The following KIAA0586 variants were observed in gnomAD, a reference collection of about 807,000 sequenced individuals.
The protein encoded by KIAA0586 is KIAA0586, also known as protein TALPID3.
A neutral mutation model predicts 169.8 loss-of-function variants in KIAA0586; 144 were observed. That is an observed-to-expected ratio of 0.85 (90% CI 0.74 to 0.97). KIAA0586 has a LOEUF of 0.97. Among genes scored for constraint, KIAA0586 ranks in the 50% least tolerant of loss-of-function variants. The probability of loss-of-function intolerance (pLI) is 0.00; values close to 1 mark genes in which losing one functional copy is unlikely to be tolerated. For missense variants in KIAA0586, 1,854 were observed against 1,823.0 expected (o/e 1.02, Z -0.31); for synonymous variants, 625 against 612.4 (o/e 1.02, Z -0.30).
chr14:58,483,521 G>GAC (rs2141129701), intron 21 of KIAA0586, among the ~76,000 whole-genome samples: 1 of 151,856 alleles, frequency 6.6e-6, no homozygotes, highest in South Asian at 2.1e-4. Context: ...AGAATATAGA[G>GAC]ACCATATTTA....
At position 58,427,982 on chromosome 14, in the gene KIAA0586, A is replaced by G; in HGVS notation, c.-283A>G. On this transcript the variant is annotated 5_prime_UTR_variant, in exon 1 of 31. Coordinates refer to ENST00000652326, the MANE Select transcript of KIAA0586 (RefSeq NM_001329943.3). ...TACCAGCTCTGGGGTTGGGGAGTGC[A>G]CTGTTATGGTTATTGTTGCTCCTGT... 4 of 1,419,624 alleles carry G rather than the reference A, an allele frequency of 2.8e-6. No homozygotes were observed. Among genetic ancestry groups the G allele is most frequent in the Non-Finnish European group, 3.7e-6 (4 of 1,092,634 alleles). The allele number at this position is 1,419,624 out of a possible 1,614,324, so 87.9% of individuals were successfully genotyped here.
At chr14:58,455,281 G>A (rs2039728085) in intron 9 of KIAA0586, among the ~76,000 whole-genome samples, 1 of 152,110 alleles carries the variant, frequency 6.6e-6, no homozygotes, top group African/African-American at 2.4e-5. Context: ...TTTAGTAATA[G>A]CTGATTTATA....
intron 30 of KIAA0586, among the ~76,000 whole-genome samples, chr14:58,541,053 A>C (rs1172385764): frequency 2.0e-5 from 3 of 152,220 alleles, no homozygotes; most frequent in Non-Finnish European, 4.4e-5. Flanking sequence ...ACACAGCTGA[A>C]ATACTGTAAC....
the KIAA0586 span, among the ~76,000 whole-genome samples, chr14:58,558,643 G>A: frequency 1.8e-4 from 28 of 152,300 alleles, no homozygotes; most frequent in Admixed American, 3.3e-4. Flanking sequence ...ATAAAGCTGC[G>A]TGTTTACACA....
downstream of KIAA0586, among the ~76,000 whole-genome samples, chr14:58,553,536 G>GTT (rs111508643): frequency 0.11 from 16,540 of 144,298 alleles, 1,359 homozygotes; most frequent in African/African-American, 0.23. Flanking sequence ...AAATATCTGG[G>GTT]TTTTTTTTTT....
intron 18 of KIAA0586, among the ~76,000 whole-genome samples, chr14:58,473,128 C>T (rs1223954107): frequency 6.6e-6 from 1 of 151,380 alleles, no homozygotes; most frequent in Non-Finnish European, 1.5e-5. Context: ...ATTAGCTCTG[C>T]CATTTATAAG....
intron 29 of KIAA0586, chr14:58,521,855 T>C: frequency 9.7e-7 from 1 of 1,032,944 alleles, no homozygotes; most frequent in South Asian, 1.3e-5. Flanking sequence ...CAGATGACTT[T>C]GCTGAGGAGG....
chr14:58,498,708 G>A, intron 26 of KIAA0586, 75 bp from the exon 27 acceptor site: 1 of 1,306,890 alleles, frequency 7.7e-7, no homozygotes, highest in Non-Finnish European at 1.0e-6. Context: ...TATTGTTCAT[G>A]ATATTTGGCA....
chr14:58,454,370 A>G (rs943885809), intron 9 of KIAA0586, among the ~76,000 whole-genome samples: 6 of 152,202 alleles, frequency 3.9e-5, no homozygotes, highest in Non-Finnish European at 2.9e-5. Context: ...TATACATTAT[A>G]AGCTCATCTA....
chr14:58,464,321 G>GTA (rs4034996), intron 14 of KIAA0586, among the ~76,000 whole-genome samples: 5 of 152,186 alleles, frequency 3.3e-5, no homozygotes, highest in African/African-American at 7.2e-5. Context: ...AGTTTATAAA[G>GTA]GTTTATCCCC....
Position 58,479,915 on chromosome 14 carries a change from G to A in KIAA0586, c.2945-2598G>A, listed in dbSNP as rs570974300. 2.6e-5 allele frequency among the ~76,000 whole-genome samples: 4 copies of A among 152,166 alleles called. No individual in the cohort carries two copies. In the South Asian group the frequency reaches 8.3e-4, roughly 32 times the overall value. Reference sequence around the variant, plus strand: ...AAGTTATACTAATACCATACTTCTTGATTACTGTAATTTAATAGTAACACT... The same window carrying A: ...AAGTTATACTAATACCATACTTCTTAATTACTGTAATTTAATAGTAACACT... On this transcript the variant is annotated intron_variant, in intron 20 of 30. Coordinates refer to ENST00000652326, the MANE Select transcript of KIAA0586 (RefSeq NM_001329943.3).
intron 3 of KIAA0586, among the ~76,000 whole-genome samples, chr14:58,432,056 T>C (rs2037418793): frequency 6.6e-6 from 1 of 152,160 alleles, no homozygotes; most frequent in Non-Finnish European, 1.5e-5. Context: ...TTGGATGCCT[T>C]TTCTTTCTTT....
At chr14:58,447,397 T>G (rs2038982754) in intron 6 of KIAA0586, among the ~76,000 whole-genome samples, 1 of 152,020 alleles carries the variant, frequency 6.6e-6, no homozygotes, top group Non-Finnish European at 1.5e-5. Context: ...AAAACCCTCT[T>G]TTTTGAAACC....
the KIAA0586 span, among the ~76,000 whole-genome samples, chr14:58,557,850 G>T: frequency 1.3e-5 from 2 of 148,822 alleles, no homozygotes; most frequent in African/African-American, 5.0e-5. Context: ...CCCATGTGAG[G>T]GGTCTGTAAT....
Position 58,465,825 on chromosome 14 carries a change from A to G in KIAA0586, c.2060-10A>G. The G allele has an allele frequency of 6.5e-7, 1 of 1,531,558 alleles. No individual in the cohort carries two copies. The highest frequency in any genetic ancestry group is 1.2e-5 in the South Asian group (1 of 83,186). The allele number at this position is 1,531,558 out of a possible 1,614,324, so 94.9% of individuals were successfully genotyped here. On this transcript the variant is annotated splice_polypyrimidine_tract_variant and intron_variant, in intron 14 of 30. Transcript: ENST00000652326. The stretch of plus-strand genomic sequence containing the variant: ...TATTTTAAAATATCTGCCATTGGTG[A>G]TTATTATAGGCACTAAGGTAAAGTC...
At chr14:58,462,717 T>TA (rs1463848171) in intron 14 of KIAA0586, among the ~76,000 whole-genome samples, 1 of 152,174 alleles carries the variant, frequency 6.6e-6, no homozygotes, top group Non-Finnish European at 1.5e-5. Flanking sequence ...CACACTGCTA[T>TA]AAAAAACTAC....
intron 30 of KIAA0586, among the ~76,000 whole-genome samples, chr14:58,545,826 G>A (rs945877791): frequency 6.6e-6 from 1 of 151,984 alleles, no homozygotes; most frequent in Non-Finnish European, 1.5e-5. Context: ...AGACAAAGGA[G>A]TTTGAGACCA....
At chr14:58,527,432 A>G (rs1314504645) in intron 29 of KIAA0586, among the ~76,000 whole-genome samples, 1 of 152,230 alleles carries the variant, frequency 6.6e-6, no homozygotes, top group Non-Finnish European at 1.5e-5. Flanking sequence ...AATGAAGGAA[A>G]AAATGTTAAG....
intron 20 of KIAA0586, among the ~76,000 whole-genome samples, chr14:58,478,808 C>G (rs1470940230): frequency 6.6e-6 from 1 of 152,182 alleles, no homozygotes; most frequent in African/African-American, 2.4e-5. Flanking sequence ...TTTACCTTTT[C>G]TAGAATTTCA....
Sources: gnomAD v4.1 joint callset for allele counts (sites outside exome capture counted in the v4.1 genomes callset) on GRCh38, gnomAD v4.1.1 for gene constraint, MANE v1.5 for transcripts, NCBI Gene and HGNC (gene_info 2026-07-23, HGNC 2026-07-21) for gene names.